The following DENND4A variants were observed in gnomAD, a reference collection of about 807,000 sequenced individuals.
The protein encoded by DENND4A is DENN domain containing 4A.
In DENND4A, 70 loss-of-function variants were observed where a neutral mutation model predicts 199.3. That is an observed-to-expected ratio of 0.35 (90% confidence interval 0.29 to 0.43). The LOEUF is 0.43. DENND4A is among the 20% of genes least tolerant of loss of function. DENND4A has a pLI of 1.00. For missense variants in DENND4A, 1,723 were observed against 2,255.8 expected (o/e 0.76, Z 4.78); for synonymous variants, 686 against 766.9 (o/e 0.89, Z 1.74).
chr15:65,679,599 C>T (rs976787618), intron 23 of DENND4A, among the ~76,000 whole-genome samples: 20 of 151,718 alleles, frequency 1.3e-4, no homozygotes, highest in Non-Finnish European at 1.8e-4. Context: ...GGCACAATCA[C>T]GGCTCACTGC....
At chr15:65,784,281 T>C (rs2077509092) in intron 1 of DENND4A, among the ~76,000 whole-genome samples, 1 of 152,220 alleles carries the variant, frequency 6.6e-6, no homozygotes. Context: ...ACTAAATGTA[T>C]TGTCGTATTC....
intron 23 of DENND4A, among the ~76,000 whole-genome samples, chr15:65,685,014 C>T (rs961993773): frequency 6.6e-6 from 1 of 151,512 alleles, no homozygotes. Flanking sequence ...TTAGTAGAAA[C>T]GGGGGTTTCA....
intron 7 of DENND4A, among the ~76,000 whole-genome samples, chr15:65,733,959 G>A (rs987050399): frequency 5.3e-5 from 8 of 152,232 alleles, no homozygotes; most frequent in Admixed American, 2.6e-4. Context: ...GAAGGCCGCA[G>A]GGACCTCTGC....
intron 30 of DENND4A, 140 bp from the exon 31 acceptor site, chr15:65,664,862 G>T: frequency 1.3e-6 from 1 of 741,370 alleles, no homozygotes; most frequent in South Asian, 2.5e-5. Flanking sequence ...AGGAATCCAA[G>T]AATGAAGAAA....
At chr15:65,664,466 G>A in intron 31 of DENND4A, 72 bp from the exon 32 acceptor site, 1 of 1,509,400 alleles carries the variant, frequency 6.6e-7, no homozygotes, top group Non-Finnish European at 9.1e-7. Context: ...AAAATTTAAT[G>A]CTATCATAAG....
At chr15:65,777,320 T>C (rs2077308822) in intron 1 of DENND4A, among the ~76,000 whole-genome samples, 1 of 152,168 alleles carries the variant, frequency 6.6e-6, no homozygotes, top group South Asian at 2.1e-4. Context: ...ATTTCCCTTT[T>C]TGGGTAAGCC....
chr15:65,686,365 T>C (rs1567003236), intron 23 of DENND4A, among the ~76,000 whole-genome samples: 1 of 152,178 alleles, frequency 6.6e-6, no homozygotes, highest in Non-Finnish European at 1.5e-5. Flanking sequence ...AAATGTCAAT[T>C]ATATAAAAGT....
chr15:65,683,937 T>C (rs1480196489), intron 23 of DENND4A, among the ~76,000 whole-genome samples: 1 of 152,232 alleles, frequency 6.6e-6, no homozygotes, highest in Admixed American at 6.5e-5. Flanking sequence ...GTCTACAGAT[T>C]TGCCTTTTCT....
At chr15:65,756,559 C>T (rs1177132312) in intron 2 of DENND4A, 87 bp from the exon 3 acceptor site, 2 of 866,684 alleles carry the variant, frequency 2.3e-6, no homozygotes, top group African/African-American at 1.7e-5. Context: ...CAAAAAACTA[C>T]AAAAAGAGCA....
chr15:65,757,574 G>A (rs763702945), intron 2 of DENND4A, among the ~76,000 whole-genome samples: 9 of 152,110 alleles, frequency 5.9e-5, no homozygotes, highest in Non-Finnish European at 2.9e-5. Flanking sequence ...GGTAGCGGGG[G>A]AGTCTCCTCT....
chr15:65,786,488 G>C (rs2141005497), intron 1 of DENND4A, among the ~76,000 whole-genome samples: 1 of 152,050 alleles, frequency 6.6e-6, no homozygotes, highest in Middle Eastern at 3.4e-3. Flanking sequence ...CCAGCACTTT[G>C]GGAGGCCAAG....
Position 65,725,395 on chromosome 15 carries a change from G to A in DENND4A, c.1488-2447C>T, listed in dbSNP as rs530593376. On this transcript the variant is annotated intron_variant, in intron 11 of 32. Coordinates refer to ENST00000443035, the MANE Select transcript of DENND4A (RefSeq NM_001320835.1). ...CAGAAGGGTTAATAAGAACTACCTC[G>A]GCTGGGCGCGGTGGCTCACGCCTGT... Among the ~76,000 whole-genome samples, 11 of 152,202 alleles carry A rather than the reference G, an allele frequency of 7.2e-5. No individual in the cohort carries two copies. In the South Asian group the frequency reaches 2.1e-3, roughly 29 times the overall value.
intron 1 of DENND4A, among the ~76,000 whole-genome samples, chr15:65,783,294 G>A (rs1380839584): frequency 6.6e-6 from 1 of 152,192 alleles, no homozygotes; most frequent in African/African-American, 2.4e-5. Flanking sequence ...GAACAAATAA[G>A]TTAATAGATG....
At position 65,661,794 on chromosome 15, in the gene DENND4A, T is replaced by C. The variant is rs906557960; in HGVS notation, c.*57A>G. The stretch of plus-strand genomic sequence containing the variant: ...AAAAAATATTTAGAGTCTAAAAGTG[T>C]TATTTTATACACTGACTATACAATA... On this transcript the variant is annotated 3_prime_UTR_variant, in exon 33 of 33. Coordinates refer to ENST00000443035, the MANE Select transcript of DENND4A (RefSeq NM_001320835.1). 87 of 1,407,470 alleles carry C rather than the reference T, an allele frequency of 6.2e-5. No individual in the cohort carries two copies. The highest frequency in any genetic ancestry group is 1.4e-5 in the Non-Finnish European group (15 of 1,049,262). The allele number at this position is 1,407,470 out of a possible 1,614,324, so 87.2% of individuals were successfully genotyped here.
At chr15:65,779,625 C>T (rs533320271) in intron 1 of DENND4A, among the ~76,000 whole-genome samples, 1 of 150,830 alleles carries the variant, frequency 6.6e-6, no homozygotes, top group African/African-American at 2.4e-5. Flanking sequence ...CAGGGGAACA[C>T]TACCATGCCT....
rs150244087 is a variant in DENND4A at position 65,783,957 on chromosome 15, G to A, written c.-102+8053C>T. On this transcript the variant is annotated intron_variant, in intron 1 of 32. Coordinates refer to ENST00000443035, the MANE Select transcript of DENND4A (RefSeq NM_001320835.1). ...GACTTGTTTCCAAAAAGACGAGTAC[G>A]GGAAAACAATACAGTAAAGAAACCT... Among the ~76,000 whole-genome samples, 552 of 152,240 alleles carry A rather than the reference G, an allele frequency of 3.6e-3. 7 individuals are homozygous for A. The highest frequency in any genetic ancestry group is 0.013 in the African/African-American group (526 of 41,526).
chr15:65,723,800 A>G (rs1444020191), intron 11 of DENND4A, among the ~76,000 whole-genome samples: 3 of 152,186 alleles, frequency 2.0e-5, no homozygotes, highest in Admixed American at 6.5e-5. Context: ...CTCTCTCTCA[A>G]AATAACTTAT....
intron 14 of DENND4A, among the ~76,000 whole-genome samples, chr15:65,714,437 C>G (rs1017695039): frequency 8.6e-5 from 13 of 150,596 alleles, no homozygotes; most frequent in Non-Finnish European, 1.6e-4. Flanking sequence ...AAAAAAAACC[C>G]AAAAACTTTA....
intron 4 of DENND4A, among the ~76,000 whole-genome samples, chr15:65,746,119 C>A (rs908252448): frequency 2.0e-5 from 3 of 148,450 alleles, no homozygotes; most frequent in Non-Finnish European, 3.0e-5. Flanking sequence ...CCAGCCTGGG[C>A]GACAAGAGTG....
Sources: gnomAD v4.1 joint callset for allele counts (sites outside exome capture counted in the v4.1 genomes callset) on GRCh38, gnomAD v4.1.1 for gene constraint, MANE v1.5 for transcripts, NCBI Gene and HGNC (gene_info 2026-07-23, HGNC 2026-07-21) for gene names.